Variants in FAM151A observed in about 807,000 individuals in gnomAD.
The protein encoded by FAM151A is protein FAM151A.
Under a neutral mutation model 40.4 loss-of-function variants are expected in FAM151A, and 41 were observed. That is an observed-to-expected ratio of 1.01 (90% CI 0.79 to 1.32). FAM151A has a LOEUF of 1.32. Ranked by LOEUF, FAM151A falls within the 40% of genes most tolerant of loss-of-function variation. FAM151A has a pLI of 0.00. For missense variants in FAM151A, 740 were observed against 740.4 expected (o/e 1.00, Z 0.01); for synonymous variants, 337 against 312.5 (o/e 1.08, Z -0.83).
In FAM151A at chr1:54,623,291, G is replaced by A. The variant is rs754317541; in HGVS notation, c.105C>T (p.Thr35=). The A allele has an allele frequency of 2.1e-5, 34 of 1,613,656 alleles. No individual in the cohort carries two copies. The highest frequency in any genetic ancestry group is 3.3e-4 in the Middle Eastern group (2 of 6,074). Residue 35 remains threonine, a synonymous_variant, in exon 1 of 8, where the codon ACC becomes ACT. Transcript: ENST00000302250. ...GGAGGCACCTACCTGGCCGCCGCAG[G>A]GTGATGGCAAGGACTATTGCGGCAA... ...VVIAAIVLAI[T]LRRPGCELEA...
rs896893481 is a variant in FAM151A, at chr1:54,617,310, C to T, written c.263-1138G>A. ...CTTTTGGCCCTTGCAGCATCACAAA[C>T]GACTGATGCCAGAAGGGGCCTTTTC... is the stretch of plus-strand genomic sequence containing the variant. On this transcript the variant is annotated intron_variant, in intron 2 of 7. Coordinates refer to ENST00000302250, the MANE Select transcript of FAM151A (RefSeq NM_176782.3). Among the ~76,000 whole-genome samples the T allele has an allele frequency of 7.2e-5, 11 of 152,124 alleles. 1 individual carries two copies. Among genetic ancestry groups the T allele is most frequent in the African/African-American group, 7.2e-5 (3 of 41,408 alleles).
In FAM151A at chr1:54,615,975, G is replaced by A. The variant is rs965838626; in HGVS notation, c.415+45C>T. The A allele has an allele frequency of 1.4e-5, 22 of 1,597,360 alleles. No individual in the cohort carries two copies. In the African/African-American group the frequency reaches 2.1e-4, roughly 16 times the overall value. On this transcript the variant is annotated intron_variant, in intron 3 of 7. Transcript: ENST00000302250. ...GGATCTCTGCACATGCTGCCCCAGG[G>A]CCAGAGGGCTGGGGGCCGGAGAGGG... is the stretch of plus-strand genomic sequence containing the variant.
At chr1:54,616,668 C>T (rs565468829) in intron 2 of FAM151A, among the ~76,000 whole-genome samples, 10 of 152,242 alleles carry the variant, frequency 6.6e-5, no homozygotes, top group African/African-American at 1.9e-4. Flanking sequence ...CCACCGTGCC[C>T]GGCCCTATGC....
chr1:54,619,764 A>G lies in FAM151A; in HGVS notation c.262+100T>C. 3 of 1,271,812 alleles carry G rather than the reference A, an allele frequency of 2.4e-6. No homozygotes were observed. The East Asian group carries it at 7.1e-5, about 30-fold the overall frequency. 78.8% of individuals were successfully genotyped at this position (1,271,812 alleles called of 1,614,324 possible). A position where few individuals can be genotyped will look rare whatever the true frequency, so the allele number is the denominator to read the frequency against. On this transcript the variant is annotated intron_variant, in intron 2 of 7. Coordinates refer to ENST00000302250, the MANE Select transcript of FAM151A (RefSeq NM_176782.3). ...CATGCTGAAAGACATGTAAACAGCCATCATGCCACCACAGTGACCAGTGTC... is the reference window on the plus strand; with the variant it reads ...CATGCTGAAAGACATGTAAACAGCCGTCATGCCACCACAGTGACCAGTGTC...
intron 2 of FAM151A, among the ~76,000 whole-genome samples, chr1:54,616,377 T>C (rs12077215): frequency 0.011 from 1,734 of 152,238 alleles, 24 homozygotes; most frequent in African/African-American, 0.039. Flanking sequence ...TTTTGTTTTT[T>C]TTTTGAGACG....
At chr1:54,610,656 C>G in intron 6 of FAM151A, 101 bp from the exon 7 acceptor site, 2 of 1,503,552 alleles carry the variant, frequency 1.3e-6, no homozygotes, top group Non-Finnish European at 1.8e-6. Flanking sequence ...GGCATCCTCT[C>G]TAAGCCTCAT....
intron 3 of FAM151A, among the ~76,000 whole-genome samples, chr1:54,615,163 GA>G (rs1644159724): frequency 6.6e-6 from 1 of 152,144 alleles, no homozygotes; most frequent in Non-Finnish European, 1.5e-5. Context: ...AGTCTCTGCT[GA>G]AAAGGGCCTG....
In FAM151A at chr1:54,614,962, G is replaced by GCGTGTGCA. The variant is rs377035598; in HGVS notation, c.416-104_416-103insTGCACACG. 3.2e-5 allele frequency: 37 copies of GCGTGTGCA among 1,164,970 alleles called. 1 individual carries two copies. Among genetic ancestry groups the GCGTGTGCA allele is most frequent in the Middle Eastern group, 2.1e-4 (1 of 4,826 alleles). The allele number at this position is 1,164,970 out of a possible 1,614,324, so 72.2% of individuals were successfully genotyped here. On this transcript the variant is annotated intron_variant, in intron 3 of 7. Transcript: ENST00000302250. Reference sequence around the variant, plus strand: ...CGGGTGTGTGTGTGTGTGCATGTGCGTGCACAGTGGAGTCAGGGGAGGGCG... The same window carrying GCGTGTGCA: ...CGGGTGTGTGTGTGTGTGCATGTGCGCGTGTGCATGCACAGTGGAGTCAGGGGAGGGCG...
Position 54,612,588 on chromosome 1 carries a change from T to C in FAM151A, c.698A>G (p.Glu233Gly). The change falls in exon 5 of 8, where the codon GAG (glutamate) becomes GGG (glycine). Residue 233 changes from glutamate (E) to glycine (G), a missense_variant. Physicochemically the swap from Glu to Gly is moderately conservative, Grantham distance 98. Coordinates refer to ENST00000302250, the MANE Select transcript of FAM151A (RefSeq NM_176782.3). ...CCTCTGGGGCACTCCTCCCACCAGC[T>C]CGTGCATCTTCTCCACCATGGCTTG... ...YTQAMVEKMH[E>G]LVGGVPQRVT... 1 of 1,614,036 alleles carries C rather than the reference T, an allele frequency of 6.2e-7. No individual in the cohort carries two copies. Among genetic ancestry groups the C allele is most frequent in the Non-Finnish European group, 8.5e-7 (1 of 1,179,984 alleles).
rs141925785 is a variant in FAM151A, at chr1:54,609,190, C to G, written c.*78G>C. The G allele has an allele frequency of 8.7e-6, 14 of 1,600,098 alleles. No homozygotes were observed. Among genetic ancestry groups the G allele is most frequent in the Non-Finnish European group, 1.1e-5 (13 of 1,172,276 alleles). ...ACTCACATACAGTGCCTGGAGAAAG[C>G]CAAAGACCTTTATTTCTTCCTGCCT... is the stretch of plus-strand genomic sequence containing the variant. On this transcript the variant is annotated 3_prime_UTR_variant, in exon 8 of 8. Coordinates refer to ENST00000302250, the MANE Select transcript of FAM151A (RefSeq NM_176782.3).
rs766620505 is a variant in FAM151A at position 54,609,899 on chromosome 1, GTT to G, written c.1125_1126del (p.Thr376CysfsTer3). 2.5e-6 allele frequency: 4 copies of G among 1,611,042 alleles called. No homozygotes were observed. The highest frequency in any genetic ancestry group is 3.4e-6 in the Non-Finnish European group (4 of 1,179,912). On this transcript the variant is annotated frameshift_variant, in exon 8 of 8. Transcript: ENST00000302250. LOFTEE classifies it low-confidence loss of function (END_TRUNC). ...AATGGGCACGGGGTTTTCAGCCACAGTTCCCTCGAGGCCAGTGTTCAGCAGGA... is the reference window on the plus strand; with the variant it reads ...AATGGGCACGGGGTTTTCAGCCACAGCCCTCGAGGCCAGTGTTCAGCAGGA...
chr1:54,617,350 T>G lies in FAM151A; in HGVS notation c.263-1178A>C, dbSNP rs570157643. On this transcript the variant is annotated intron_variant, in intron 2 of 7. Coordinates refer to ENST00000302250, the MANE Select transcript of FAM151A (RefSeq NM_176782.3). The stretch of plus-strand genomic sequence containing the variant: ...GGGGCCTTTTCTCCTGCTTTCTCCC[T>G]GACTCCTGACCATTCTTCTCACCTC... 7.2e-4 allele frequency among the ~76,000 whole-genome samples: 110 copies of G among 152,022 alleles called. 1 individual carries two copies. Among genetic ancestry groups the G allele is most frequent in the Admixed American group, 5.6e-3 (86 of 15,248 alleles).
chr1:54,617,178 A>G (rs1208193365), intron 2 of FAM151A, among the ~76,000 whole-genome samples: 2 of 152,132 alleles, frequency 1.3e-5, no homozygotes, highest in Non-Finnish European at 2.9e-5. Flanking sequence ...TGCCTTCAAG[A>G]ATTCAGTCTA....
chr1:54,609,197 C>A lies in FAM151A; in HGVS notation c.*71G>T. 2 of 1,596,184 alleles carry A rather than the reference C, an allele frequency of 1.3e-6. No homozygotes were observed. Among genetic ancestry groups the A allele is most frequent in the Non-Finnish European group, 1.7e-6 (2 of 1,169,924 alleles). Reference sequence around the variant, plus strand: ...TACAGTGCCTGGAGAAAGCCAAAGACCTTTATTTCTTCCTGCCTCCCCGTG... The same window carrying A: ...TACAGTGCCTGGAGAAAGCCAAAGAACTTTATTTCTTCCTGCCTCCCCGTG... On this transcript the variant is annotated 3_prime_UTR_variant, in exon 8 of 8. Coordinates refer to ENST00000302250, the MANE Select transcript of FAM151A (RefSeq NM_176782.3).
Position 54,612,626 on chromosome 1 carries a change from G to A in FAM151A, c.660C>T (p.Asn220=), listed in dbSNP as rs749208671. The A allele has an allele frequency of 1.2e-5, 20 of 1,613,972 alleles. No individual in the cohort carries two copies. Among genetic ancestry groups the A allele is most frequent in the Non-Finnish European group, 1.7e-5 (20 of 1,179,998 alleles). Residue 220 remains asparagine (N), a synonymous_variant, in exon 5 of 8, where the codon AAC becomes AAT. Transcript: ENST00000302250. Reference sequence around the variant, plus strand: ...CCACCATGGCTTGGGTGTACGTCCTGTTTGGGGACGTGGACATGTAGAAGG... The same window carrying A: ...CCACCATGGCTTGGGTGTACGTCCTATTTGGGGACGTGGACATGTAGAAGG... ...WTTFYMSTSP[N]RTYTQAMVEK...
At chr1:54,610,917 T>C (rs1306955505) in intron 6 of FAM151A, 7 of 984,904 alleles carry the variant, frequency 7.1e-6, no homozygotes, top group Non-Finnish European at 8.4e-6. Context: ...GAATGAGGGG[T>C]TTGGATAGTG....
chr1:54,610,781 G>C lies in FAM151A; in HGVS notation c.941-226C>G, dbSNP rs534504457. The C allele has an allele frequency of 3.1e-5, 31 of 984,560 alleles. No individual in the cohort carries two copies. In the African/African-American group the frequency reaches 5.1e-4, roughly 16 times the overall value. The allele number at this position is 984,560 out of a possible 1,614,324, so 61.0% of individuals were successfully genotyped here. A position where few individuals can be genotyped will look rare whatever the true frequency, so the allele number is the denominator to read the frequency against. On this transcript the variant is annotated intron_variant, in intron 6 of 7. Transcript: ENST00000302250. The stretch of plus-strand genomic sequence containing the variant: ...CAGGAGTGGAACCTGATGGGACCAG[G>C]TCTGCCTGGCTCCAGAGCTGGTATC...
chr1:54,617,840 C>T (rs1024225076), intron 2 of FAM151A, among the ~76,000 whole-genome samples: 1 of 150,454 alleles, frequency 6.6e-6, no homozygotes, highest in Non-Finnish European at 1.5e-5. Context: ...TCTCCTGCCT[C>T]AGCCTCCTGA....
chr1:54,613,893 GGGTTTGAATCTTT>G (rs1398052019), intron 4 of FAM151A, among the ~76,000 whole-genome samples: 5 of 152,290 alleles, frequency 3.3e-5, no homozygotes, highest in Non-Finnish European at 4.4e-5. Flanking sequence ...AGAAAGGCCT[GGGTTTGAATCTTT>G]GCTCTGCCAC....
Sources: allele counts gnomAD v4.1 joint callset (sites outside exome capture counted in the v4.1 genomes callset), GRCh38; gene constraint gnomAD v4.1.1; transcripts MANE v1.5; gene names NCBI Gene and HGNC (gene_info 2026-07-23, HGNC 2026-07-21).